The following LRRC4C variants were observed in gnomAD, a reference collection of about 807,000 sequenced individuals.
LRRC4C encodes leucine rich repeat containing 4C.
In LRRC4C, 5 loss-of-function variants were observed where a neutral mutation model predicts 33.6. That is an observed-to-expected ratio of 0.15 (90% CI 0.08 to 0.31). The LOEUF (loss-of-function observed/expected upper bound fraction) is 0.31. Among genes scored for constraint, LRRC4C ranks in the 10% least tolerant of loss-of-function variants. The pLI is 1.00. For synonymous variants in LRRC4C, 329 were observed against 302.0 expected, an observed-to-expected ratio of 1.09 and a Z score of -0.93; for missense variants, 560 against 796.7, an observed-to-expected ratio of 0.70 and a Z score of 3.58.
intron 2 of LRRC4C, among the ~76,000 whole-genome samples, chr11:40,798,945 T>C (rs1009318794): frequency 1.3e-5 from 2 of 152,190 alleles, no homozygotes; most frequent in Non-Finnish European, 2.9e-5. Context: ...TGCTCTGCTG[T>C]ATTATAAGTT....
chr11:41,083,140 A>G (rs532839260), intron 1 of LRRC4C, among the ~76,000 whole-genome samples: 1 of 152,240 alleles, frequency 6.6e-6, no homozygotes, highest in Admixed American at 6.5e-5. Flanking sequence ...CACAAAAGCT[A>G]TTTAGCAACT....
intron 2 of LRRC4C, among the ~76,000 whole-genome samples, chr11:40,818,517 T>G (rs1168184033): frequency 6.6e-6 from 1 of 152,136 alleles, no homozygotes; most frequent in Non-Finnish European, 1.5e-5. Context: ...ATTATCATCA[T>G]ATCACTAATA....
At chr11:41,091,283 T>G (rs914116295) in intron 1 of LRRC4C, among the ~76,000 whole-genome samples, 1 of 151,982 alleles carries the variant, frequency 6.6e-6, no homozygotes, top group African/African-American at 2.4e-5. Flanking sequence ...TAATTAAAAT[T>G]GAAAATACAG....
intron 1 of LRRC4C, among the ~76,000 whole-genome samples, chr11:41,281,078 CCTCTCT>C (rs142279457): frequency 7.2e-5 from 6 of 83,120 alleles, no homozygotes; most frequent in African/African-American, 3.3e-4. Flanking sequence ...CTCTCTCTGT[CCTCTCT>C]CTCTCTCTCT....
intron 1 of LRRC4C, among the ~76,000 whole-genome samples, chr11:40,959,348 C>T (rs959559199): frequency 4.6e-5 from 7 of 151,614 alleles, no homozygotes; most frequent in East Asian, 3.9e-4. Context: ...AGGTTTATTA[C>T]GGAAAGTTCC....
At chr11:40,213,169 T>C (rs1863729073) in intron 5 of LRRC4C, among the ~76,000 whole-genome samples, 1 of 152,196 alleles carries the variant, frequency 6.6e-6, no homozygotes, top group African/African-American at 2.4e-5. Flanking sequence ...TCTCAAGTAC[T>C]ACAATAATGT....
At chr11:40,191,062 G>A (rs1000923141) in intron 5 of LRRC4C, among the ~76,000 whole-genome samples, 27 of 152,222 alleles carry the variant, frequency 1.8e-4, no homozygotes, top group African/African-American at 6.3e-4. Context: ...TACTTACTTA[G>A]CATTATGCCG....
At chr11:41,168,216 C>A (rs754466837) in intron 1 of LRRC4C, among the ~76,000 whole-genome samples, 23 of 152,166 alleles carry the variant, frequency 1.5e-4, no homozygotes, top group Non-Finnish European at 2.8e-4. Context: ...ACCAGGCCAG[C>A]TGCTCTCAGG....
rs980699502 is a variant in LRRC4C at position 40,590,479 on chromosome 11, G to A, written c.-270+57663C>T. Among the ~76,000 whole-genome samples the A allele has an allele frequency of 4.6e-5, 7 of 151,950 alleles. No individual in the cohort carries two copies. In the South Asian group the frequency reaches 1.0e-3, roughly 23 times the overall value. On this transcript the variant is annotated intron_variant, in intron 3 of 6. Coordinates refer to ENST00000528697, the MANE Select transcript of LRRC4C (RefSeq NM_001258419.2). ...GTCTGAAGCCTTCTTCTCTCAGCTCGTCAAAGTCATTCTCCGTCCAGCTTT... is the reference window on the plus strand; with the variant it reads ...GTCTGAAGCCTTCTTCTCTCAGCTCATCAAAGTCATTCTCCGTCCAGCTTT...
At chr11:40,557,394 T>C (rs1283831745) in intron 3 of LRRC4C, among the ~76,000 whole-genome samples, 1 of 152,174 alleles carries the variant, frequency 6.6e-6, no homozygotes, top group Admixed American at 6.5e-5. Flanking sequence ...TGAGCTATAG[T>C]AAAGAGTTTG....
In LRRC4C at chr11:40,563,175, A is replaced by G. The variant is rs114227075; in HGVS notation, c.-270+84967T>C. On this transcript the variant is annotated intron_variant, in intron 3 of 6. Transcript: ENST00000528697. ...GATAAGGTTTTTAAACACAATTTACATTTCTCATTTTTGTACATACATAGC... is the reference window on the plus strand; with the variant it reads ...GATAAGGTTTTTAAACACAATTTACGTTTCTCATTTTTGTACATACATAGC... Among the ~76,000 whole-genome samples the G allele has an allele frequency of 9.1e-3, 1,387 of 152,210 alleles. 16 individuals carry two copies. Among genetic ancestry groups the G allele is most frequent in the African/African-American group, 0.032 (1,342 of 41,528 alleles).
chr11:40,426,358 C>G (rs922520046), intron 3 of LRRC4C, among the ~76,000 whole-genome samples: 2 of 147,844 alleles, frequency 1.4e-5, no homozygotes, highest in Non-Finnish European at 3.0e-5. Context: ...CTCTCATATT[C>G]CTCACTTTGA....
intron 3 of LRRC4C, among the ~76,000 whole-genome samples, chr11:40,422,382 T>C (rs950224715): frequency 2.6e-5 from 4 of 152,182 alleles, no homozygotes; most frequent in African/African-American, 9.7e-5. Context: ...TCTTAAAAAG[T>C]GGAGTTTTTT....
At chr11:41,180,993 C>T (rs1945424415) in intron 1 of LRRC4C, among the ~76,000 whole-genome samples, 1 of 151,782 alleles carries the variant, frequency 6.6e-6, no homozygotes, top group African/African-American at 2.4e-5. Flanking sequence ...GACTCAGTTA[C>T]CAGTTCTCAT....
chr11:41,037,036 T>G (rs1453757441), intron 1 of LRRC4C, among the ~76,000 whole-genome samples: 1 of 152,108 alleles, frequency 6.6e-6, no homozygotes, highest in Non-Finnish European at 1.5e-5. Context: ...AAACAATGCC[T>G]AGTTTTGTGC....
intron 3 of LRRC4C, among the ~76,000 whole-genome samples, chr11:40,590,168 T>C (rs1328494147): frequency 6.6e-6 from 1 of 151,890 alleles, no homozygotes; most frequent in African/African-American, 2.4e-5. Context: ...TTGGAGGCTT[T>C]GCTTGTTTCT....
At chr11:41,020,231 T>C (rs1855868437) in intron 1 of LRRC4C, among the ~76,000 whole-genome samples, 1 of 152,184 alleles carries the variant, frequency 6.6e-6, no homozygotes, top group African/African-American at 2.4e-5. Flanking sequence ...TAAACCATTT[T>C]AATGGCTTTT....
At chr11:41,019,843 C>A (rs1420834611) in intron 1 of LRRC4C, among the ~76,000 whole-genome samples, 1 of 151,998 alleles carries the variant, frequency 6.6e-6, no homozygotes, top group East Asian at 1.9e-4. Flanking sequence ...CTGTTCATAT[C>A]TTTTGTCCAA....
At chr11:40,312,673 TG>T (rs1945372728) in intron 4 of LRRC4C, among the ~76,000 whole-genome samples, 1 of 152,214 alleles carries the variant, frequency 6.6e-6, no homozygotes, top group African/African-American at 2.4e-5. Context: ...GAGGGGTTCC[TG>T]TTTTAGTCTT....
Sources: allele counts gnomAD v4.1 joint callset (sites outside exome capture counted in the v4.1 genomes callset), GRCh38; gene constraint gnomAD v4.1.1; transcripts MANE v1.5; gene names NCBI Gene and HGNC (gene_info 2026-07-23, HGNC 2026-07-21).